SNX24: variants seen among roughly 807,000 people sequenced by gnomAD.
SNX24 encodes the protein sorting nexin 24, also known as sorting nexin-24.
Under a neutral mutation model 28.7 loss-of-function variants are expected in SNX24, and 22 were observed. The ratio of observed to expected loss-of-function variants is 0.77; its 90% CI spans 0.55 to 1.10. SNX24 has a LOEUF of 1.10. Among genes scored for constraint, SNX24 ranks in the 50% least tolerant of loss-of-function variants. The probability of loss-of-function intolerance (pLI) is 0.00; values close to 1 mark genes in which losing one functional copy is unlikely to be tolerated. For missense variants in SNX24, 221 were observed against 201.1 expected (o/e 1.10, Z -0.60); for synonymous variants, 69 against 71.5 (o/e 0.96, Z 0.18).
At chr5:122,996,406 C>T (rs185154443) in intron 3 of SNX24, among the ~76,000 whole-genome samples, 3 of 152,298 alleles carry the variant, frequency 2.0e-5, no homozygotes, top group African/African-American at 7.2e-5. Context: ...TGCAAACCCC[C>T]TGCCACTGAA....
intron 3 of SNX24, among the ~76,000 whole-genome samples, chr5:122,949,815 A>G (rs1332170501): frequency 6.6e-6 from 1 of 152,208 alleles, no homozygotes; most frequent in East Asian, 1.9e-4. Flanking sequence ...TAAAACAAAA[A>G]CGAAAAACCC....
chr5:122,918,252 T>G (rs1442320802), intron 1 of SNX24, among the ~76,000 whole-genome samples: 1 of 152,002 alleles, frequency 6.6e-6, no homozygotes, highest in African/African-American at 2.4e-5. Flanking sequence ...GTGGTGGTGG[T>G]GGGGTGCACA....
At chr5:122,943,711 T>C (rs907538279) in intron 2 of SNX24, among the ~76,000 whole-genome samples, 4 of 152,222 alleles carry the variant, frequency 2.6e-5, no homozygotes, top group African/African-American at 4.8e-5. Flanking sequence ...GCCAGCAGTC[T>C]GCTAGGACCA....
At chr5:122,954,712 C>T (rs548588651) in intron 3 of SNX24, among the ~76,000 whole-genome samples, 14 of 97,466 alleles carry the variant, frequency 1.4e-4, no homozygotes, top group Admixed American at 3.5e-4. Context: ...TTCTTGTCTT[C>T]GTGGTTTCTG....
At chr5:122,913,529 C>T (rs1020748652) in intron 1 of SNX24, among the ~76,000 whole-genome samples, 2 of 152,100 alleles carry the variant, frequency 1.3e-5, no homozygotes, top group Non-Finnish European at 2.9e-5. Flanking sequence ...GGCGGAGGGG[C>T]TCCTCACTTC....
At chr5:122,895,307 A>G (rs1367378249) in intron 1 of SNX24, among the ~76,000 whole-genome samples, 1 of 152,196 alleles carries the variant, frequency 6.6e-6, no homozygotes, top group Non-Finnish European at 1.5e-5. Flanking sequence ...ATGCATTTTC[A>G]TTAATTTTAG....
intron 3 of SNX24, among the ~76,000 whole-genome samples, chr5:122,966,182 A>G (rs1665038434): frequency 6.6e-6 from 1 of 152,264 alleles, no homozygotes; most frequent in African/African-American, 2.4e-5. Flanking sequence ...ATTAAATTAA[A>G]AAGAAGTACA....
chr5:122,868,276 G>A (rs1755809755), intron 1 of SNX24, among the ~76,000 whole-genome samples: 1 of 152,090 alleles, frequency 6.6e-6, no homozygotes, highest in Non-Finnish European at 1.5e-5. Context: ...ATTTGATGAT[G>A]GAGTGCTGCT....
intron 2 of SNX24, among the ~76,000 whole-genome samples, chr5:122,941,378 A>G (rs1345337134): frequency 1.3e-5 from 2 of 152,120 alleles, no homozygotes; most frequent in African/African-American, 2.4e-5. Context: ...AGCTGAGCCA[A>G]TATCTCCCAT....
At chr5:122,884,945 AC>A (rs1756641824) in intron 1 of SNX24, among the ~76,000 whole-genome samples, 1 of 152,210 alleles carries the variant, frequency 6.6e-6, no homozygotes, top group Non-Finnish European at 1.5e-5. Flanking sequence ...GGACCATTGT[AC>A]CAAATTGGCA....
At chr5:122,959,919 A>G (rs1317871129) in intron 3 of SNX24, among the ~76,000 whole-genome samples, 2 of 152,168 alleles carry the variant, frequency 1.3e-5, no homozygotes, top group Non-Finnish European at 2.9e-5. Flanking sequence ...GAATAGCAGA[A>G]TCTCTGAATG....
chr5:122,890,555 C>T (rs1561553658), intron 1 of SNX24, among the ~76,000 whole-genome samples: 3 of 150,626 alleles, frequency 2.0e-5, no homozygotes, highest in South Asian at 2.1e-4. Context: ...CTACAACCTC[C>T]GCCTCCTAGG....
chr5:123,001,374 T>C, intron 4 of SNX24, 31 bp from the exon 5 acceptor site: 1 of 1,522,142 alleles, frequency 6.6e-7, no homozygotes, highest in Non-Finnish European at 9.1e-7. Flanking sequence ...TATGTGGTTT[T>C]TTTGTTTTTT....
At chr5:122,884,977 T>A (rs557859253) in intron 1 of SNX24, among the ~76,000 whole-genome samples, 7 of 152,214 alleles carry the variant, frequency 4.6e-5, no homozygotes, top group Non-Finnish European at 1.0e-4. Context: ...TAGGGACCCG[T>A]TGGCCATTTC....
chr5:122,959,933 G>GT (rs1264135754), intron 3 of SNX24, among the ~76,000 whole-genome samples: 2 of 152,204 alleles, frequency 1.3e-5, no homozygotes, highest in African/African-American at 2.4e-5. Flanking sequence ...CTGAATGATA[G>GT]AGTCTCTGTG....
At chr5:122,942,295 T>C (rs30037) in intron 2 of SNX24, among the ~76,000 whole-genome samples, 117,035 of 152,128 alleles carry the variant, frequency 0.77, 45,900 homozygotes, top group East Asian at 0.99. Context: ...AGACTTCATT[T>C]TCCTGTGTTT....
chr5:122,912,849 C>T (rs993966700), intron 1 of SNX24, among the ~76,000 whole-genome samples: 1 of 151,052 alleles, frequency 6.6e-6, no homozygotes, highest in African/African-American at 2.4e-5. Flanking sequence ...GAACAAAGGT[C>T]TCTGGTTTTC....
chr5:122,989,792 T>A (rs1761754739), intron 3 of SNX24, among the ~76,000 whole-genome samples: 1 of 152,130 alleles, frequency 6.6e-6, no homozygotes, highest in South Asian at 2.1e-4. Context: ...GTAATTTAAC[T>A]CCCAAGTTAT....
At chr5:122,852,372 T>G (rs1754963468) in intron 1 of SNX24, among the ~76,000 whole-genome samples, 2 of 151,780 alleles carry the variant, frequency 1.3e-5, no homozygotes. Flanking sequence ...GACAGAGGGT[T>G]TCACTCTGTC....
Sources: allele counts gnomAD v4.1 joint callset (sites outside exome capture counted in the v4.1 genomes callset), GRCh38; gene constraint gnomAD v4.1.1; transcripts MANE v1.5; gene names NCBI Gene and HGNC (gene_info 2026-07-23, HGNC 2026-07-21).